Variants in CTSB observed in about 807,000 individuals in gnomAD.
CTSB encodes the protein APP secretase.
CTSB carries 57 observed loss-of-function variants against 44.3 expected under a neutral mutation model. The ratio of observed to expected loss-of-function variants is 1.29; its 90% CI spans 1.04 to 1.60. The LOEUF (loss-of-function observed/expected upper bound fraction) is 1.60. Among genes scored for constraint, CTSB ranks in the 40% most tolerant of loss-of-function variants. The pLI is 0.00. For synonymous variants in CTSB, 320 were observed against 168.0 expected, an observed-to-expected ratio of 1.91 and a Z score of -7.00; for missense variants, 768 against 443.0, an observed-to-expected ratio of 1.73 and a Z score of -6.59.
Position 11,845,687 on chromosome 8 carries a change from G to T in CTSB, c.896C>A (p.Ser299Tyr). 1.9e-6 allele frequency: 3 copies of T among 1,613,974 alleles called. No individual in the cohort carries two copies. Among genetic ancestry groups the T allele is most frequent in the Non-Finnish European group, 2.5e-6 (3 of 1,179,854 alleles). Residue 299 changes from serine to tyrosine, a missense_variant, in exon 9 of 10, where the codon TCC (serine) becomes TAC (tyrosine). By Grantham distance (144) the Ser-to-Tyr change is moderately radical (BLOSUM62 -2). Transcript: ENST00000353047. ...NGTPYWLVAN[S>Y]WNTDWGDNGF... ...ATTGTCACCCCAGTCAGTGTTCCAG[G>T]AGTTGGCAACCAGCCAGTAGGGTGT...
intron 1 of CTSB, among the ~76,000 whole-genome samples, chr8:11,854,319 A>G (rs1193660796): frequency 6.6e-6 from 1 of 152,150 alleles, no homozygotes; most frequent in Admixed American, 6.5e-5. Context: ...TCTACCTCCC[A>G]CAGGTCACAG....
intron 5 of CTSB, chr8:11,848,460 G>A: frequency 4.2e-6 from 2 of 474,108 alleles, no homozygotes; most frequent in Non-Finnish European, 4.0e-6. Context: ...ATTCTCAACT[G>A]AGCAGACGCT....
intron 3 of CTSB, among the ~76,000 whole-genome samples, chr8:11,852,214 T>C (rs1814720250): frequency 6.6e-6 from 1 of 152,014 alleles, no homozygotes; most frequent in Non-Finnish European, 1.5e-5. Context: ...CTACTAAAAA[T>C]ACAAATATTA....
chr8:11,843,768 C>G lies in CTSB; in HGVS notation c.*1357G>C, dbSNP rs572649613. 1.3e-5 allele frequency: 2 copies of G among 152,324 alleles called. No homozygotes were observed. Among genetic ancestry groups the G allele is most frequent in the East Asian group, 3.9e-4 (2 of 5,186 alleles). The allele number at this position is 152,324 out of a possible 1,614,324, so 9.4% of individuals were successfully genotyped here. On this transcript the variant is annotated 3_prime_UTR_variant, in exon 10 of 10. Transcript: ENST00000353047. ...AATACAGGCAGGGCCCAGTGGCTCACGCCTGTAATCCCAACACTTTGGGAG... is the reference window on the plus strand; with the variant it reads ...AATACAGGCAGGGCCCAGTGGCTCAGGCCTGTAATCCCAACACTTTGGGAG...
chr8:11,848,960 G>A (rs538164986), intron 5 of CTSB, 86 bp downstream of exon 5: 157 of 949,138 alleles, frequency 1.7e-4, no homozygotes, highest in Admixed American at 2.9e-4. Flanking sequence ...GCAGTCCCAG[G>A]AAGTCCTCAA....
At chr8:11,858,581 T>A (rs1427433607) in intron 1 of CTSB, among the ~76,000 whole-genome samples, 3 of 152,234 alleles carry the variant, frequency 2.0e-5, no homozygotes, top group African/African-American at 7.2e-5. Context: ...TGAGCCACCA[T>A]GCCCAGTAAA....
intron 1 of CTSB, among the ~76,000 whole-genome samples, chr8:11,863,036 A>G (rs1293304): frequency 0.55 from 83,933 of 152,094 alleles, 23,230 homozygotes; most frequent in Non-Finnish European, 0.59. Context: ...TTCTGGGCTG[A>G]GCACAGTGGC....
At chr8:11,845,871 G>C (rs922869165) in intron 8 of CTSB, 82 bp from the exon 9 acceptor site, 1 of 1,454,972 alleles carries the variant, frequency 6.9e-7, no homozygotes, top group Non-Finnish European at 9.1e-7. Context: ...AGCTGGTCAT[G>C]CTCCGGGAAG....
Position 11,845,933 on chromosome 8 carries a change from G to C in CTSB, c.794-144C>G, listed in dbSNP as rs533281358. The stretch of plus-strand genomic sequence containing the variant: ...CTGCTCCACCAGGAGGCTCCAGGGG[G>C]GGTCCCACAATACTGGGGAATTAAA... On this transcript the variant is annotated intron_variant, in intron 8 of 9. Coordinates refer to ENST00000353047, the MANE Select transcript of CTSB (RefSeq NM_001908.5). 4.9e-5 allele frequency: 45 copies of C among 919,466 alleles called. No homozygotes were observed. The African/African-American group carries it at 6.8e-4, about 14-fold the overall frequency. The allele number at this position is 919,466 out of a possible 1,614,324, so 57.0% of individuals were successfully genotyped here.
At chr8:11,853,854 C>G (rs746924160) in intron 1 of CTSB, 5 of 165,710 alleles carry the variant, frequency 3.0e-5, no homozygotes, top group African/African-American at 1.2e-4. Flanking sequence ...TGATTACACC[C>G]TAAGTGGAGG....
chr8:11,854,142 T>C (rs1815104121), intron 1 of CTSB, among the ~76,000 whole-genome samples: 1 of 152,198 alleles, frequency 6.6e-6, no homozygotes, highest in African/African-American at 2.4e-5. Flanking sequence ...GCCAGTGCTT[T>C]CCAGCTTGAA....
intron 8 of CTSB, among the ~76,000 whole-genome samples, chr8:11,846,680 T>C (rs960430668): frequency 2.6e-5 from 4 of 152,184 alleles, no homozygotes; most frequent in African/African-American, 7.2e-5. Flanking sequence ...CCTGCCATTA[T>C]AACAGAAACA....
chr8:11,847,030 G>C, intron 8 of CTSB, 22 bp downstream of exon 8: 1 of 609,902 alleles, frequency 1.6e-6, no homozygotes, highest in Non-Finnish European at 3.1e-6. Flanking sequence ...ACCCTCTATT[G>C]CCATCAGCCA....
At chr8:11,856,245 C>T (rs546905874) in intron 1 of CTSB, among the ~76,000 whole-genome samples, 3 of 151,916 alleles carry the variant, frequency 2.0e-5, no homozygotes, top group Non-Finnish European at 4.4e-5. Context: ...GTTTCTAAAT[C>T]TGCATGTCCT....
chr8:11,864,641 C>G (rs1313585712), intron 1 of CTSB, among the ~76,000 whole-genome samples: 1 of 152,050 alleles, frequency 6.6e-6, no homozygotes. Flanking sequence ...AGGCTTGAAA[C>G]TAAAAAAGAG....
chr8:11,859,839 C>A (rs1816122631), intron 1 of CTSB, among the ~76,000 whole-genome samples: 1 of 143,000 alleles, frequency 7.0e-6, no homozygotes, highest in South Asian at 2.3e-4. Flanking sequence ...CTTTGGGAGG[C>A]TGAGGCAGGC....
intron 4 of CTSB, 135 bp from the exon 5 acceptor site, chr8:11,849,299 G>A (rs1007720376): frequency 5.0e-6 from 3 of 594,506 alleles, no homozygotes; most frequent in Admixed American, 2.9e-5. Flanking sequence ...ACGCTCCTGG[G>A]GCTCAAACTC....
At chr8:11,861,679 A>C (rs1389092588) in intron 1 of CTSB, among the ~76,000 whole-genome samples, 1 of 152,212 alleles carries the variant, frequency 6.6e-6, no homozygotes, top group Admixed American at 6.5e-5. Context: ...TCTGTTACTG[A>C]CTTGCTCAGA....
At position 11,853,396 on chromosome 8, in the gene CTSB, C is replaced by A; in HGVS notation, c.59G>T (p.Arg20Met). The A allele has an allele frequency of 6.2e-7, 1 of 1,612,956 alleles. No individual in the cohort carries two copies. Among genetic ancestry groups the A allele is most frequent in the Non-Finnish European group, 8.5e-7 (1 of 1,179,830 alleles). The change falls in exon 2 of 10, where the codon AGG (arginine) becomes ATG (methionine). Residue 20 changes from arginine (R) to methionine (M), a missense_variant. Transcript: ENST00000353047. ...CLLVLANARS[R>M]PSFHPLSDEL... ...ATCCGACAGGGGATGGAAAGAGGGC[C>A]TGCTCCGGGCATTGGCCAACACCAG...
Sources: gnomAD v4.1 joint callset for allele counts (sites outside exome capture counted in the v4.1 genomes callset) on GRCh38, gnomAD v4.1.1 for gene constraint, MANE v1.5 for transcripts, NCBI Gene and HGNC (gene_info 2026-07-23, HGNC 2026-07-21) for gene names.